The following MACROD2 variants were observed in gnomAD, a reference collection of about 807,000 sequenced individuals.
MACROD2 encodes the protein ADP-ribose glycohydrolase MACROD2.
MACROD2 carries 36 observed loss-of-function variants against 70.4 expected under a neutral mutation model. The observed-to-expected ratio is 0.51, with a 90% CI of 0.39 to 0.68. MACROD2 has a LOEUF of 0.68. Ranked by LOEUF, MACROD2 falls within the 30% of genes least tolerant of loss-of-function variation. MACROD2 has a pLI of 0.00. For missense variants in MACROD2, 496 were observed against 538.4 expected, an observed-to-expected ratio of 0.92 and a Z score of 0.78; for synonymous variants, 172 against 178.8, an observed-to-expected ratio of 0.96 and a Z score of 0.30.
At chr20:14,842,816 AGT>A (rs2073101256) in intron 5 of MACROD2, among the ~76,000 whole-genome samples, 1 of 152,130 alleles carries the variant, frequency 6.6e-6, no homozygotes, top group African/African-American at 2.4e-5. Context: ...TGAAGTCTTC[AGT>A]GAAACAACAG....
chr20:15,437,240 C>T (rs1174235225), intron 7 of MACROD2, among the ~76,000 whole-genome samples: 3 of 152,124 alleles, frequency 2.0e-5, no homozygotes, highest in Admixed American at 6.6e-5. Context: ...ATGTTTTCTT[C>T]AGAATATAGT....
intron 3 of MACROD2, among the ~76,000 whole-genome samples, chr20:14,420,790 C>A (rs2083867896): frequency 6.6e-6 from 1 of 152,158 alleles, no homozygotes; most frequent in African/African-American, 2.4e-5. Flanking sequence ...CTCCTAGGCT[C>A]AAGCAATCCT....
chr20:15,151,810 T>A (rs968537873), intron 5 of MACROD2, among the ~76,000 whole-genome samples: 27 of 151,956 alleles, frequency 1.8e-4, no homozygotes, highest in African/African-American at 6.5e-4. Flanking sequence ...AACGAAACTG[T>A]AAGCTGGACC....
intron 5 of MACROD2, among the ~76,000 whole-genome samples, chr20:15,105,345 T>A (rs1371899710): frequency 2.0e-5 from 3 of 152,130 alleles, no homozygotes; most frequent in African/African-American, 7.2e-5. Flanking sequence ...AAAATCTCCT[T>A]GCCTATCATT....
At chr20:15,384,945 C>A (rs915278547) in intron 6 of MACROD2, among the ~76,000 whole-genome samples, 7 of 152,108 alleles carry the variant, frequency 4.6e-5, no homozygotes, top group Non-Finnish European at 8.8e-5. Flanking sequence ...TGCTTCTTGA[C>A]AAGTCATCAT....
chr20:15,211,057 G>C (rs1356444068), intron 5 of MACROD2, among the ~76,000 whole-genome samples: 1 of 152,006 alleles, frequency 6.6e-6, no homozygotes, highest in Non-Finnish European at 1.5e-5. Flanking sequence ...GAATATTTTT[G>C]TTGCCTTAAA....
intron 8 of MACROD2, among the ~76,000 whole-genome samples, chr20:15,821,149 CT>C (rs1209066281): frequency 6.6e-6 from 1 of 152,080 alleles, no homozygotes; most frequent in African/African-American, 2.4e-5. Flanking sequence ...AGTTCTTCTC[CT>C]TTATAGTTAC....
intron 5 of MACROD2, among the ~76,000 whole-genome samples, chr20:14,900,026 T>C (rs1247227947): frequency 1.3e-5 from 2 of 152,190 alleles, no homozygotes; most frequent in Non-Finnish European, 2.9e-5. Context: ...TATGAAAGGC[T>C]GCTGTATTTT....
rs1387732660 is a variant in MACROD2, at chr20:15,419,145, G to A, written c.541-12260G>A. On this transcript the variant is annotated intron_variant, in intron 6 of 17. Coordinates refer to ENST00000684519, the MANE Select transcript of MACROD2 (RefSeq NM_001351661.2). ...AAGAAGTGAGAGTGAAAGGAAGAGT[G>A]GGTATTGGGGCAAATCCCAGGTGAT... Among the ~76,000 whole-genome samples, 8 of 152,130 alleles carry A rather than the reference G, an allele frequency of 5.3e-5. 1 individual carries two copies. Among genetic ancestry groups the A allele is most frequent in the Admixed American group, 2.6e-4 (4 of 15,282 alleles).
intron 6 of MACROD2, among the ~76,000 whole-genome samples, chr20:15,307,886 A>G (rs996295282): frequency 6.6e-6 from 1 of 152,202 alleles, no homozygotes; most frequent in Admixed American, 6.5e-5. Context: ...TTTGAAGTGT[A>G]TAAGCCAGTT....
chr20:14,920,486 C>T (rs1162991220), intron 5 of MACROD2, among the ~76,000 whole-genome samples: 2 of 152,054 alleles, frequency 1.3e-5, no homozygotes, highest in African/African-American at 2.4e-5. Context: ...ATTTTAATTT[C>T]GTTAAAAATG....
chr20:15,565,026 G>T (rs1037541100), intron 8 of MACROD2, among the ~76,000 whole-genome samples: 1 of 151,868 alleles, frequency 6.6e-6, no homozygotes, highest in Non-Finnish European at 1.5e-5. Context: ...GCATTTAATT[G>T]CCATCTCCAG....
chr20:14,717,809 A>T (rs1304029358), intron 5 of MACROD2, among the ~76,000 whole-genome samples: 1 of 152,118 alleles, frequency 6.6e-6, no homozygotes, highest in Non-Finnish European at 1.5e-5. Flanking sequence ...GGAGGATGTT[A>T]TCAGGCCCTT....
At chr20:14,044,517 T>C (rs967192994) in intron 2 of MACROD2, among the ~76,000 whole-genome samples, 3 of 152,084 alleles carry the variant, frequency 2.0e-5, no homozygotes, top group Non-Finnish European at 2.9e-5. Context: ...TACAGAGAGC[T>C]GATTGGTGTG....
At chr20:14,751,285 C>G (rs1211804853) in intron 5 of MACROD2, among the ~76,000 whole-genome samples, 1 of 150,552 alleles carries the variant, frequency 6.6e-6, no homozygotes, top group Non-Finnish European at 1.5e-5. Flanking sequence ...ATCAGATCTT[C>G]TCTTTTATTC....
At chr20:14,525,700 A>G (rs1003582084) in intron 4 of MACROD2, among the ~76,000 whole-genome samples, 1 of 152,242 alleles carries the variant, frequency 6.6e-6, no homozygotes, top group Non-Finnish European at 1.5e-5. Flanking sequence ...GCAGTGCCCT[A>G]ATCTGCATCT....
intron 10 of MACROD2, among the ~76,000 whole-genome samples, chr20:15,923,885 T>C (rs1426865701): frequency 6.6e-6 from 1 of 152,238 alleles, no homozygotes; most frequent in Non-Finnish European, 1.5e-5. Context: ...CAAATAGCGA[T>C]TAGCAAAACA....
rs1447339137 is a variant in MACROD2 at position 14,239,554 on chromosome 20, TA to T, written c.271+153828del. ...TGGAGCAGAATAGAGAGACCTGAAATAATGCCATATACCTACAACCATCTGA... is the reference window on the plus strand; with the variant it reads ...TGGAGCAGAATAGAGAGACCTGAAATATGCCATATACCTACAACCATCTGA... On this transcript the variant is annotated intron_variant, in intron 3 of 17. Transcript: ENST00000684519. Among the ~76,000 whole-genome samples the T allele has an allele frequency of 7.9e-5, 12 of 152,108 alleles. 1 individual carries two copies. In the South Asian group the frequency reaches 1.7e-3, roughly 21 times the overall value.
At chr20:15,970,802 T>C (rs1313210374) in intron 13 of MACROD2, among the ~76,000 whole-genome samples, 3 of 152,124 alleles carry the variant, frequency 2.0e-5, no homozygotes, top group African/African-American at 4.8e-5. Context: ...TACATAGGGC[T>C]AGAAGAAGTG....
Sources: allele counts gnomAD v4.1 joint callset (sites outside exome capture counted in the v4.1 genomes callset), GRCh38; gene constraint gnomAD v4.1.1; transcripts MANE v1.5; gene names NCBI Gene and HGNC (gene_info 2026-07-23, HGNC 2026-07-21).